The following LYPLA1 variants were observed in gnomAD, a reference collection of about 807,000 sequenced individuals.
LYPLA1 encodes the protein acyl-protein thioesterase 1.
In LYPLA1, 17 loss-of-function variants were observed where a neutral mutation model predicts 34.0. That is an observed-to-expected ratio of 0.50 (90% CI 0.34 to 0.75). The LOEUF is 0.75. LYPLA1 is among the 30% of genes least tolerant of loss of function. The pLI is 0.01. For missense variants in LYPLA1, 203 were observed against 288.8 expected, an observed-to-expected ratio of 0.70 and a Z score of 2.15; for synonymous variants, 98 against 100.8, an observed-to-expected ratio of 0.97 and a Z score of 0.17.
rs186648958 is a variant in LYPLA1, at chr8:54,091,272, G to A, written c.101+9636C>T. The stretch of plus-strand genomic sequence containing the variant: ...GGAGGCCGAGGTGGGCGGATCACCT[G>A]AGGTCAGGAGTTCAAGACCAACCTG... On this transcript the variant is annotated intron_variant, in intron 2 of 8. Coordinates refer to ENST00000316963, the MANE Select transcript of LYPLA1 (RefSeq NM_006330.4). 2.6e-5 allele frequency among the ~76,000 whole-genome samples: 4 copies of A among 152,110 alleles called. No individual in the cohort carries two copies. The East Asian group carries it at 7.9e-4, about 30-fold the overall frequency.
At chr8:54,093,362 A>G (rs1339531635) in intron 2 of LYPLA1, among the ~76,000 whole-genome samples, 11 of 152,196 alleles carry the variant, frequency 7.2e-5, no homozygotes, top group Non-Finnish European at 1.3e-4. Context: ...CCTAAATCCA[A>G]TAACTGGTGT....
intron 2 of LYPLA1, among the ~76,000 whole-genome samples, chr8:54,081,430 T>A (rs1320651559): frequency 6.7e-6 from 1 of 148,900 alleles, no homozygotes; most frequent in Admixed American, 6.6e-5. Context: ...AGAAGACATG[T>A]TGAAGAAAAA....
intron 2 of LYPLA1, among the ~76,000 whole-genome samples, chr8:54,074,126 T>C: frequency 6.6e-6 from 1 of 152,054 alleles, no homozygotes; most frequent in African/African-American, 2.4e-5. Context: ...ATACAAAAAT[T>C]AGCTGGGTGT....
At chr8:54,096,521 G>A (rs766635072) in intron 2 of LYPLA1, among the ~76,000 whole-genome samples, 2 of 152,126 alleles carry the variant, frequency 1.3e-5, no homozygotes, top group Admixed American at 6.5e-5. Flanking sequence ...GGCAGATTAC[G>A]AGGTCAGGAG....
intron 2 of LYPLA1, among the ~76,000 whole-genome samples, chr8:54,084,124 G>GGAAAAAAAAAAA (rs1554547911): frequency 7.1e-5 from 4 of 56,358 alleles, no homozygotes; most frequent in African/African-American, 3.6e-4. Flanking sequence ...GGAGACCAAA[G>GGAAAAAAAAAAA]AAAAAAAAAA....
chr8:54,044,207 C>T (rs1056991427), downstream of LYPLA1, among the ~76,000 whole-genome samples: 4 of 152,048 alleles, frequency 2.6e-5, no homozygotes, highest in Admixed American at 6.6e-5. Context: ...TTCCTTTTAT[C>T]TTTCGGGTCA....
chr8:54,099,010 T>A (rs929869319), intron 2 of LYPLA1, among the ~76,000 whole-genome samples: 3 of 152,228 alleles, frequency 2.0e-5, no homozygotes, highest in Non-Finnish European at 2.9e-5. Context: ...GATACTTTTT[T>A]AATATAAACT....
chr8:54,090,464 A>G (rs7833336), intron 2 of LYPLA1, among the ~76,000 whole-genome samples: 19,809 of 152,220 alleles, frequency 0.13, 3,420 homozygotes, highest in African/African-American at 0.4. Context: ...CTGTACTTCT[A>G]CATACAAATG....
intron 2 of LYPLA1, among the ~76,000 whole-genome samples, chr8:54,074,689 T>C (rs1345310018): frequency 6.6e-6 from 1 of 152,258 alleles, no homozygotes; most frequent in Non-Finnish European, 1.5e-5. Context: ...TATCCAGCGA[T>C]GCCCAACTTA....
At chr8:54,058,501 G>A (rs931622992) in intron 5 of LYPLA1, among the ~76,000 whole-genome samples, 5 of 152,058 alleles carry the variant, frequency 3.3e-5, no homozygotes, top group Non-Finnish European at 5.9e-5. Context: ...CTGAGATTGC[G>A]CCACTGCACT....
At chr8:54,059,800 T>C (rs1256094650) in intron 5 of LYPLA1, among the ~76,000 whole-genome samples, 1 of 152,176 alleles carries the variant, frequency 6.6e-6, no homozygotes, top group Non-Finnish European at 1.5e-5. Context: ...CACATGCCTG[T>C]AGTCCCAGCT....
chr8:54,080,186 G>A (rs1190908375), intron 2 of LYPLA1, among the ~76,000 whole-genome samples: 1 of 151,942 alleles, frequency 6.6e-6, no homozygotes, highest in Non-Finnish European at 1.5e-5. Context: ...AGGAGTTCAA[G>A]ACCAGCCTGG....
chr8:54,065,635 T>G (rs11775545), intron 3 of LYPLA1, 113 bp downstream of exon 3: 1 of 663,388 alleles, frequency 1.5e-6, no homozygotes, highest in East Asian at 2.8e-5. Flanking sequence ...TTTTAAACAA[T>G]ATTTAAAAAG....
intron 2 of LYPLA1, among the ~76,000 whole-genome samples, chr8:54,095,640 T>G (rs1586183858): frequency 6.6e-6 from 1 of 152,266 alleles, no homozygotes; most frequent in East Asian, 1.9e-4. Flanking sequence ...TATGATGCAC[T>G]GTTATGGACA....
chr8:54,089,780 T>TG (rs1475106376), intron 2 of LYPLA1, among the ~76,000 whole-genome samples: 1 of 152,084 alleles, frequency 6.6e-6, no homozygotes, highest in East Asian at 1.9e-4. Flanking sequence ...CACTCTACCA[T>TG]GGCTGGCCAA....
intron 2 of LYPLA1, among the ~76,000 whole-genome samples, chr8:54,092,817 A>G (rs1809404767): frequency 6.6e-6 from 1 of 152,176 alleles, no homozygotes. Flanking sequence ...CCCTGTCTCT[A>G]CTTAAAAACA....
At chr8:54,070,443 G>T (rs1025659010) in intron 2 of LYPLA1, among the ~76,000 whole-genome samples, 1 of 152,110 alleles carries the variant, frequency 6.6e-6, no homozygotes, top group African/African-American at 2.4e-5. Flanking sequence ...ACAAAATGAG[G>T]CCAGGCGTGG....
intron 2 of LYPLA1, among the ~76,000 whole-genome samples, chr8:54,092,400 G>C (rs981019618): frequency 6.6e-6 from 1 of 151,898 alleles, no homozygotes; most frequent in Non-Finnish European, 1.5e-5. Flanking sequence ...AAGAAGAGGA[G>C]GCATGCAGAC....
intron 4 of LYPLA1, 22 bp downstream of exon 4, chr8:54,063,306 C>CA: frequency 2.2e-6 from 3 of 1,385,678 alleles, no homozygotes; most frequent in Non-Finnish European, 2.9e-6. Flanking sequence ...TGTTCTTATT[C>CA]AATAAGTAAA....
Sources: gnomAD v4.1 joint callset for allele counts (sites outside exome capture counted in the v4.1 genomes callset) on GRCh38, gnomAD v4.1.1 for gene constraint, MANE v1.5 for transcripts, NCBI Gene and HGNC (gene_info 2026-07-23, HGNC 2026-07-21) for gene names.